The following PGM1 variants were observed in gnomAD, a reference collection of about 807,000 sequenced individuals.
PGM1 encodes phosphoglucomutase 1, also known as phosphoglucomutase-1.
Under a neutral mutation model 55.6 loss-of-function variants are expected in PGM1, and 52 were observed. That is an observed-to-expected ratio of 0.94 (90% confidence interval 0.75 to 1.18). The LOEUF (loss-of-function observed/expected upper bound fraction) is 1.18, where lower values mean the gene tolerates loss of function less well. PGM1 is among the 50% of genes most tolerant of loss of function. PGM1 has a pLI of 0.00. For missense variants in PGM1, 724 were observed against 729.3 expected (o/e 0.99, Z 0.08); for synonymous variants, 287 against 271.7 (o/e 1.06, Z -0.55).
intron 1 of PGM1, among the ~76,000 whole-genome samples, chr1:63,598,100 A>G (rs1452277146): frequency 1.3e-5 from 2 of 152,120 alleles, no homozygotes; most frequent in Non-Finnish European, 2.9e-5. Context: ...CCTCCTAAGT[A>G]GCTGGGGTCT....
At chr1:63,654,259 T>C in intron 9 of PGM1, 73 bp from the exon 10 acceptor site, 1 of 1,432,762 alleles carries the variant, frequency 7.0e-7, no homozygotes, top group Non-Finnish European at 9.8e-7. Context: ...CATCCCCAAA[T>C]AGACCCCTCA....
At chr1:63,603,087 C>A (rs530246744) in intron 1 of PGM1, among the ~76,000 whole-genome samples, 16 of 152,312 alleles carry the variant, frequency 1.1e-4, no homozygotes, top group African/African-American at 3.8e-4. Flanking sequence ...CCCCTCACTG[C>A]CCCCCAACTC....
chr1:63,597,700 A>T (rs1648120141), intron 1 of PGM1, among the ~76,000 whole-genome samples: 1 of 152,234 alleles, frequency 6.6e-6, no homozygotes, highest in South Asian at 2.1e-4. Flanking sequence ...AGTTGAAACT[A>T]TTCCTGGTCT....
In PGM1 at chr1:63,593,454, TCCGCCGCTCTGA is replaced by T. The variant is rs1366293523; in HGVS notation, c.-32_-21del. 1.2e-6 allele frequency: 2 copies of T among 1,612,362 alleles called. No homozygotes were observed. The highest frequency in any genetic ancestry group is 1.7e-6 in the Non-Finnish European group (2 of 1,179,566). On this transcript the variant is annotated 5_prime_UTR_variant, in exon 1 of 11. Transcript: ENST00000371084. ...GCCGGCCGCCCCTCCGCCAGCCAAG[TCCGCCGCTCTGA>T]CCCCCGGCAGCAAGTCGCCACCATG...
intron 1 of PGM1, chr1:63,623,158 GAGAC>G: frequency 1.8e-6 from 2 of 1,113,470 alleles, no homozygotes; most frequent in South Asian, 3.0e-5. Flanking sequence ...ACGGGGAAAT[GAGAC>G]AAAAATAATT....
chr1:63,623,817 C>A, intron 1 of PGM1: 1 of 1,211,162 alleles, frequency 8.3e-7, no homozygotes, highest in Non-Finnish European at 1.2e-6. Flanking sequence ...CTTAATTTTA[C>A]AGAAGTATAC....
intron 1 of PGM1, among the ~76,000 whole-genome samples, chr1:63,600,761 CAT>C (rs1411165454): frequency 2.0e-5 from 3 of 152,094 alleles, no homozygotes; most frequent in Non-Finnish European, 4.4e-5. Flanking sequence ...AGGATAAACA[CAT>C]ATAATCATTT....
At chr1:63,626,150 T>C (rs1228199889) in intron 1 of PGM1, among the ~76,000 whole-genome samples, 1 of 152,128 alleles carries the variant, frequency 6.6e-6, no homozygotes, top group Non-Finnish European at 1.5e-5. Context: ...CATTTGAGGA[T>C]GGACTCTTAG....
chr1:63,643,234 T>C (rs1649563996), intron 7 of PGM1, among the ~76,000 whole-genome samples: 1 of 152,192 alleles, frequency 6.6e-6, no homozygotes, highest in Non-Finnish European at 1.5e-5. Context: ...ACTCACTCAT[T>C]TAAAGTGTTA....
chr1:63,607,630 T>A (rs79454438), intron 1 of PGM1, among the ~76,000 whole-genome samples: 2,120 of 152,320 alleles, frequency 0.014, 47 homozygotes, highest in African/African-American at 0.049. Context: ...TTCTCCAGAA[T>A]AGCTTCTTCA....
At chr1:63,623,439 A>G (rs749426818) in intron 1 of PGM1, 4 of 1,606,934 alleles carry the variant, frequency 2.5e-6, no homozygotes, top group Non-Finnish European at 3.4e-6. Flanking sequence ...ACCCTCACTG[A>G]GCCAGTCGGT....
intron 8 of PGM1, 108 bp downstream of exon 8, chr1:63,648,760 C>T: frequency 8.7e-7 from 1 of 1,154,752 alleles, no homozygotes; most frequent in Non-Finnish European, 1.3e-6. Context: ...AACCCTAGGT[C>T]ATCCAGCCTC....
rs754183836 is a variant in PGM1, at chr1:63,630,090, C to T, written c.556+2C>T. 6.2e-6 allele frequency: 10 copies of T among 1,613,708 alleles called. No homozygotes were observed. Among genetic ancestry groups the T allele is most frequent in the Non-Finnish European group, 4.2e-6 (5 of 1,179,618 alleles). On this transcript the variant is annotated splice_donor_variant, in intron 3 of 10. Coordinates refer to ENST00000371084, the MANE Select transcript of PGM1 (RefSeq NM_002633.3). LOFTEE classifies it low-confidence loss of function (GC_TO_GT_DONOR). ...AAAATAAGTTCAAACCCTTCACAGG[C>T]ATGTTTACTTTCCTCCTCTTTCTGC...
chr1:63,635,293 G>A (rs891920796), intron 5 of PGM1, among the ~76,000 whole-genome samples: 2 of 152,144 alleles, frequency 1.3e-5, no homozygotes, highest in South Asian at 4.1e-4. Context: ...GGTATTTCCT[G>A]AGCTGGGTGA....
Position 63,651,116 on chromosome 1 carries a change from T to C in PGM1, c.1281-553T>C, listed in dbSNP as rs1055207421. The stretch of plus-strand genomic sequence containing the variant: ...ATTTTAGATGTAAAGAGTCAGTGTT[T>C]GGCGTCTTCATCTGGTCGGTGAAAA... On this transcript the variant is annotated intron_variant, in intron 8 of 10. Coordinates refer to ENST00000371084, the MANE Select transcript of PGM1 (RefSeq NM_002633.3). Among the ~76,000 whole-genome samples, 10 of 152,124 alleles carry C rather than the reference T, an allele frequency of 6.6e-5. No individual in the cohort carries two copies. In the East Asian group the frequency reaches 9.7e-4, roughly 15 times the overall value.
intron 5 of PGM1, among the ~76,000 whole-genome samples, 176 bp downstream of exon 5, chr1:63,635,195 T>G (rs768288597): frequency 5.9e-5 from 9 of 152,158 alleles, no homozygotes; most frequent in Non-Finnish European, 1.0e-4. Flanking sequence ...ATAGGAGTCA[T>G]TGAAATGAAA....
Position 63,659,798 on chromosome 1 carries a change from C to G in PGM1, c.*123C>G. The G allele has an allele frequency of 1.3e-6, 1 of 759,470 alleles. No homozygotes were observed. The highest frequency in any genetic ancestry group is 1.5e-5 in the South Asian group (1 of 68,670). The allele number at this position is 759,470 out of a possible 1,614,324, so 47.0% of individuals were successfully genotyped here. A position where few individuals can be genotyped will look rare whatever the true frequency, so the allele number is the denominator to read the frequency against. ...TTTAGGATTTGACTTTTTCACTAAC[C>G]AGTTGACGAGCAGTGCATTTACAAG... On this transcript the variant is annotated 3_prime_UTR_variant, in exon 11 of 11. Coordinates refer to ENST00000371084, the MANE Select transcript of PGM1 (RefSeq NM_002633.3).
intron 6 of PGM1, 148 bp downstream of exon 6, chr1:63,636,536 G>A: frequency 1.1e-6 from 1 of 925,148 alleles, no homozygotes. Flanking sequence ...GTGAGGGGAT[G>A]GTTGGCTTTT....
rs1404534689 is a variant in PGM1, at chr1:63,630,079, C to A, written c.547C>A (p.Pro183Thr). 1 of 1,613,996 alleles carries A rather than the reference C, an allele frequency of 6.2e-7. No homozygotes were observed. The highest frequency in any genetic ancestry group is 2.2e-5 in the East Asian group (1 of 44,870). The change falls in exon 3 of 11, where the codon CCC (proline) becomes ACC (threonine). Residue 183 changes from proline (P) to threonine (T), a missense_variant. By Grantham distance (38) the Pro-to-Thr change is conservative. Coordinates refer to ENST00000371084, the MANE Select transcript of PGM1 (RefSeq NM_002633.3). ...QQFDLENKFK[P>T]FTVEIVDSVE... The stretch of plus-strand genomic sequence containing the variant: ...GTTTGACTTGGAAAATAAGTTCAAA[C>A]CCTTCACAGGCATGTTTACTTTCCT...
Sources: allele counts gnomAD v4.1 joint callset (sites outside exome capture counted in the v4.1 genomes callset), GRCh38; gene constraint gnomAD v4.1.1; transcripts MANE v1.5; gene names NCBI Gene and HGNC (gene_info 2026-07-23, HGNC 2026-07-21).